Variants in ZNF571 observed in about 807,000 individuals in gnomAD.
ZNF571 encodes zinc finger protein 571.
A neutral mutation model predicts 7.7 loss-of-function variants in ZNF571; 4 were observed. The ratio of observed to expected loss-of-function variants is 0.52; its 90% CI spans 0.25 to 1.18. ZNF571 has a LOEUF of 1.18. ZNF571 is among the 50% of genes most tolerant of loss of function. The pLI is 0.14. For synonymous variants in ZNF571, 251 were observed against 232.4 expected (o/e 1.08, Z -0.73); for missense variants, 704 against 726.9 (o/e 0.97, Z 0.36).
chr19:37,587,682 C>G (rs2043723146), intron 1 of ZNF571, among the ~76,000 whole-genome samples: 1 of 151,960 alleles, frequency 6.6e-6, no homozygotes, highest in Non-Finnish European at 1.5e-5. Context: ...CAAGAAAACC[C>G]AGTAAGAGAG....
At chr19:37,592,834 G>A (rs1002288387) in intron 1 of ZNF571, among the ~76,000 whole-genome samples, 7 of 152,214 alleles carry the variant, frequency 4.6e-5, no homozygotes. Flanking sequence ...GCAGTATACA[G>A]AATATTCTAC....
rs1174503067 is a variant in ZNF571, at chr19:37,569,504, CAT to C, written c.137-3215_137-3214del. Among the ~76,000 whole-genome samples, 1 of 152,102 alleles carries C rather than the reference CAT, an allele frequency of 6.6e-6. No individual in the cohort carries two copies. Among genetic ancestry groups the C allele is most frequent in the African/African-American group, 2.4e-5 (1 of 41,420 alleles). On this transcript the variant is annotated intron_variant, in intron 3 of 3. Coordinates refer to ENST00000451802, the MANE Select transcript of ZNF571 (RefSeq NM_016536.5). The surrounding 1 kb of genome is among the most constrained non-coding windows in gnomAD (Gnocchi z 4.4). ...TTATGACTGAGTACACACACTCAAA[CAT>C]AAAACAAGGATGTCATAAAATTATC...
At chr19:37,571,419 C>A (rs918432513) in intron 3 of ZNF571, among the ~76,000 whole-genome samples, 2 of 152,016 alleles carry the variant, frequency 1.3e-5, no homozygotes, top group African/African-American at 4.8e-5. Context: ...TCGCCTGAAC[C>A]CAGGAAGTGG....
chr19:37,582,321 T>G (rs2043499538), intron 3 of ZNF571, among the ~76,000 whole-genome samples: 1 of 152,232 alleles, frequency 6.6e-6, no homozygotes, highest in Non-Finnish European at 1.5e-5. Flanking sequence ...TTACTTGAAC[T>G]CCTAGCATTA....
intron 1 of ZNF571, among the ~76,000 whole-genome samples, chr19:37,589,439 A>G (rs1278897952): frequency 6.6e-6 from 1 of 152,042 alleles, no homozygotes; most frequent in Non-Finnish European, 1.5e-5. Context: ...AGGGAAAACA[A>G]GAGAAAGACA....
At chr19:37,572,757 A>C (rs1244152552) in intron 3 of ZNF571, among the ~76,000 whole-genome samples, 1 of 152,188 alleles carries the variant, frequency 6.6e-6, no homozygotes, top group African/African-American at 2.4e-5. Flanking sequence ...ACTTCAAATA[A>C]AATTAATTAA....
chr19:37,574,946 CAA>C (rs1342639491), intron 3 of ZNF571, among the ~76,000 whole-genome samples: 1 of 152,190 alleles, frequency 6.6e-6, no homozygotes, highest in East Asian at 1.9e-4. Context: ...TGAAGACGTT[CAA>C]ACTCTTCACC....
At chr19:37,580,393 A>G (rs1478143300) in intron 3 of ZNF571, among the ~76,000 whole-genome samples, 1 of 152,208 alleles carries the variant, frequency 6.6e-6, no homozygotes, top group Non-Finnish European at 1.5e-5. Flanking sequence ...CTGAGCCAAA[A>G]TCCATTTTGT....
chr19:37,592,316 TCTC>T (rs1254390458), intron 1 of ZNF571, among the ~76,000 whole-genome samples: 1 of 152,180 alleles, frequency 6.6e-6, no homozygotes, highest in Non-Finnish European at 1.5e-5. Context: ...GGTCAGTGCT[TCTC>T]AATCCTTCTA....
intron 1 of ZNF571, among the ~76,000 whole-genome samples, chr19:37,590,667 CA>C (rs770628446): frequency 1.5e-4 from 23 of 152,094 alleles, no homozygotes; most frequent in Non-Finnish European, 2.6e-4. Context: ...AACAAAAAAG[CA>C]AAATGTTAAA....
chr19:37,567,378 A>G (rs2042897591), intron 3 of ZNF571, among the ~76,000 whole-genome samples: 1 of 152,200 alleles, frequency 6.6e-6, no homozygotes, highest in African/African-American at 2.4e-5. Context: ...CATAAAACAC[A>G]AAGTTTGAGA....
intron 1 of ZNF571, among the ~76,000 whole-genome samples, chr19:37,593,021 A>G (rs537437667): frequency 2.4e-4 from 36 of 152,312 alleles, no homozygotes; most frequent in Non-Finnish European, 4.4e-4. Flanking sequence ...TGTCTTTGAA[A>G]TAATTGGGAA....
At chr19:37,570,362 A>G (rs1216426381) in intron 3 of ZNF571, among the ~76,000 whole-genome samples, 1 of 152,042 alleles carries the variant, frequency 6.6e-6, no homozygotes, top group Non-Finnish European at 1.5e-5. Flanking sequence ...CTTTGAGCAC[A>G]CTACTTGGCC....
chr19:37,592,748 C>G (rs1462839402), intron 1 of ZNF571, among the ~76,000 whole-genome samples: 5 of 152,204 alleles, frequency 3.3e-5, no homozygotes, highest in African/African-American at 1.2e-4. Context: ...ACCTCTAGAT[C>G]TAACTGCCTG....
In ZNF571 at chr19:37,564,705, G is replaced by GAGTA; in HGVS notation, c.1719_1722dup (p.Leu575TyrfsTer10). 6.2e-7 allele frequency: 1 copy of GAGTA among 1,613,582 alleles called. No homozygotes were observed. On this transcript the variant is annotated frameshift_variant, in exon 4 of 4. Coordinates refer to ENST00000451802, the MANE Select transcript of ZNF571 (RefSeq NM_016536.5). LOFTEE classifies it low-confidence loss of function (END_TRUNC). Reference sequence around the variant, plus strand: ...TCACCAGTATGGATCCTTTGATGCAGAGTAAGTTCTGAGCCACGACTAAAG... The same window carrying GAGTA: ...TCACCAGTATGGATCCTTTGATGCAGAGTAAGTAAGTTCTGAGCCACGACTAAAG...
At position 37,569,204 on chromosome 19, in the gene ZNF571, C is replaced by T. The variant is rs1054050214; in HGVS notation, c.137-2913G>A. On this transcript the variant is annotated intron_variant, in intron 3 of 3. Transcript: ENST00000451802. The surrounding 1 kb of genome is among the most constrained non-coding windows in gnomAD (Gnocchi z 4.4). ...CTGGCCTCAAGTGATCCACCTGCCC[C>T]GGACTCCCACAGCACTAGGATTACA... Among the ~76,000 whole-genome samples, 19 of 152,150 alleles carry T rather than the reference C, an allele frequency of 1.2e-4. No homozygotes were observed. Among genetic ancestry groups the T allele is most frequent in the Non-Finnish European group, 2.2e-4 (15 of 67,994 alleles).
Position 37,569,415 on chromosome 19 carries a change from C to A in ZNF571, c.137-3124G>T, listed in dbSNP as rs2042980941. Among the ~76,000 whole-genome samples the A allele has an allele frequency of 6.6e-6, 1 of 152,106 alleles. No individual in the cohort carries two copies. The highest frequency in any genetic ancestry group is 2.4e-5 in the African/African-American group (1 of 41,406). On this transcript the variant is annotated intron_variant, in intron 3 of 3. Transcript: ENST00000451802. The surrounding 1 kb of genome is among the most constrained non-coding windows in gnomAD (Gnocchi z 4.4). The stretch of plus-strand genomic sequence containing the variant: ...CCTGCAAAAATTGGAGGGATAAAAT[C>A]TAAACTCTTCTGCAGTATTTTTCAA...
chr19:37,577,819 G>A (rs2043295588), intron 3 of ZNF571, among the ~76,000 whole-genome samples: 3 of 152,202 alleles, frequency 2.0e-5, no homozygotes, highest in Non-Finnish European at 4.4e-5. Flanking sequence ...CTCTCAGGGA[G>A]AGGAAACAAA....
intron 1 of ZNF571, among the ~76,000 whole-genome samples, chr19:37,590,434 A>G (rs531993802): frequency 3.3e-5 from 5 of 152,076 alleles, no homozygotes; most frequent in East Asian, 1.9e-4. Context: ...AGAAGAAGAA[A>G]AAAAAAGCTA....
Sources: allele counts gnomAD v4.1 joint callset (sites outside exome capture counted in the v4.1 genomes callset), GRCh38; gene constraint gnomAD v4.1.1; non-coding constraint Gnocchi (gnomAD v3.1); transcripts MANE v1.5; gene names NCBI Gene and HGNC (gene_info 2026-07-23, HGNC 2026-07-21).